The following NUMB variants were observed in gnomAD, a reference collection of about 807,000 sequenced individuals.
The protein encoded by NUMB is NUMB endocytic adaptor protein, also known as protein numb homolog.
A neutral mutation model predicts 59.7 loss-of-function variants in NUMB; 29 were observed. The ratio of observed to expected loss-of-function variants is 0.49; its 90% CI spans 0.36 to 0.66. NUMB has a LOEUF of 0.66. Ranked by LOEUF, NUMB falls within the 30% of genes least tolerant of loss-of-function variation. The probability of loss-of-function intolerance (pLI) is 0.00; values close to 1 mark genes in which losing one functional copy is unlikely to be tolerated. For synonymous variants in NUMB, 288 were observed against 288.2 expected (o/e 1.00, Z 0.01); for missense variants, 723 against 822.0 (o/e 0.88, Z 1.47).
At chr14:73,443,534 G>A (rs1051248521) in intron 1 of NUMB, among the ~76,000 whole-genome samples, 1 of 150,876 alleles carries the variant, frequency 6.6e-6, no homozygotes, top group Admixed American at 6.6e-5. Context: ...GGCAGAGGTT[G>A]CAGTGAGCCG....
intron 1 of NUMB, among the ~76,000 whole-genome samples, chr14:73,416,053 T>C (rs1023588790): frequency 6.6e-6 from 1 of 152,186 alleles, no homozygotes; most frequent in Non-Finnish European, 1.5e-5. Flanking sequence ...TTTTCCCCTA[T>C]AGATAAACAT....
chr14:73,447,052 T>G (rs1297302038), intron 1 of NUMB, among the ~76,000 whole-genome samples: 1 of 150,322 alleles, frequency 6.7e-6, no homozygotes, highest in Non-Finnish European at 1.5e-5. Context: ...CTGGGCGTGG[T>G]GGCGCACCCT....
chr14:73,305,444 G>A (rs1013198998), intron 6 of NUMB, among the ~76,000 whole-genome samples: 2 of 151,426 alleles, frequency 1.3e-5, no homozygotes, highest in East Asian at 3.9e-4. Flanking sequence ...CCTATTTTAA[G>A]GTGCCATCCA....
chr14:73,336,016 T>C (rs1241831814), intron 4 of NUMB, among the ~76,000 whole-genome samples: 1 of 152,230 alleles, frequency 6.6e-6, no homozygotes, highest in African/African-American at 2.4e-5. Flanking sequence ...CAGATGTGTT[T>C]AATCATGTAA....
At chr14:73,280,395 G>GT (rs35066653) in intron 11 of NUMB, among the ~76,000 whole-genome samples, 7,346 of 143,786 alleles carry the variant, frequency 0.051, 222 homozygotes, top group Middle Eastern at 0.082. Flanking sequence ...TTTTTTGAAG[G>GT]TTTTTTTTTT....
chr14:73,362,088 C>A (rs1458624060), intron 3 of NUMB, among the ~76,000 whole-genome samples: 2 of 152,102 alleles, frequency 1.3e-5, no homozygotes, highest in South Asian at 2.1e-4. Context: ...AAAATCCCAT[C>A]TTTACAAAAA....
intron 2 of NUMB, among the ~76,000 whole-genome samples, chr14:73,384,474 A>C (rs1895397641): frequency 6.6e-6 from 1 of 152,230 alleles, no homozygotes; most frequent in South Asian, 2.1e-4. Flanking sequence ...AGTGCAGTCT[A>C]TGAAGAAAGA....
chr14:73,438,262 G>A (rs1352990703), intron 1 of NUMB, among the ~76,000 whole-genome samples: 5 of 152,212 alleles, frequency 3.3e-5, no homozygotes, highest in Non-Finnish European at 5.9e-5. Flanking sequence ...ATTAATAAAC[G>A]CTCTAAGTGT....
At chr14:73,432,561 G>A (rs1218591009) in intron 1 of NUMB, among the ~76,000 whole-genome samples, 42 of 151,818 alleles carry the variant, frequency 2.8e-4, no homozygotes, top group Admixed American at 2.8e-3. Context: ...TATAAAAAGA[G>A]AAACAAAGAC....
chr14:73,428,753 AGTGAG>A (rs1897694532), intron 1 of NUMB, among the ~76,000 whole-genome samples: 1 of 152,224 alleles, frequency 6.6e-6, no homozygotes, highest in Non-Finnish European at 1.5e-5. Context: ...TCAAGGCTGC[AGTGAG>A]CTATGATCAC....
intron 6 of NUMB, among the ~76,000 whole-genome samples, chr14:73,307,187 T>C (rs1404948601): frequency 6.6e-6 from 1 of 151,948 alleles, no homozygotes; most frequent in African/African-American, 2.4e-5. Context: ...CGGGCACCTG[T>C]AGTCCCAGCT....
intron 4 of NUMB, among the ~76,000 whole-genome samples, chr14:73,334,058 GT>G (rs560823547): frequency 6.9e-6 from 1 of 144,236 alleles, no homozygotes; most frequent in Non-Finnish European, 1.5e-5. Context: ...GTGTGTGTGT[GT>G]TTTTTTTTCG....
At chr14:73,278,045 C>CAAAAAAAAAA (rs57146032) in intron 12 of NUMB, among the ~76,000 whole-genome samples, 1 of 69,234 alleles carries the variant, frequency 1.4e-5, no homozygotes, top group Non-Finnish European at 2.6e-5. Context: ...GACTCCGTCT[C>CAAAAAAAAAA]AAAAAAAAAA....
intron 2 of NUMB, among the ~76,000 whole-genome samples, chr14:73,401,018 A>G (rs758467369): frequency 6.6e-6 from 1 of 152,234 alleles, no homozygotes; most frequent in South Asian, 2.1e-4. Flanking sequence ...ATCAGCCAGA[A>G]GCACAGGACA....
At chr14:73,297,332 T>A in intron 6 of NUMB, 47 bp from the exon 7 acceptor site, 1 of 1,122,784 alleles carries the variant, frequency 8.9e-7, no homozygotes. Context: ...ACATATATAA[T>A]ATTAAAAAAA....
intron 2 of NUMB, among the ~76,000 whole-genome samples, chr14:73,372,320 T>C (rs1348388468): frequency 5.6e-5 from 6 of 107,602 alleles, no homozygotes; most frequent in Non-Finnish European, 1.1e-4. Flanking sequence ...TATATATATA[T>C]ATATATATAT....
At chr14:73,456,200 C>T (rs1884359962) in intron 1 of NUMB, among the ~76,000 whole-genome samples, 1 of 152,000 alleles carries the variant, frequency 6.6e-6, no homozygotes, top group Non-Finnish European at 1.5e-5. Context: ...ACCTCCACCT[C>T]CGGGGTTCAA....
In NUMB at chr14:73,355,776, G is replaced by A. The variant is rs201614414; in HGVS notation, c.-15-10C>T. 2 of 1,579,092 alleles carry A rather than the reference G, an allele frequency of 1.3e-6. No homozygotes were observed. Among genetic ancestry groups the A allele is most frequent in the African/African-American group, 1.4e-5 (1 of 73,134 alleles). ...TTTTAATTTTTACAGCCTGAAGACAGAGGAAAAAAAATATTTAAAAGAAAT... is the reference window on the plus strand; with the variant it reads ...TTTTAATTTTTACAGCCTGAAGACAAAGGAAAAAAAATATTTAAAAGAAAT... On this transcript the variant is annotated splice_polypyrimidine_tract_variant and intron_variant, in intron 3 of 12. Coordinates refer to ENST00000555238, the MANE Select transcript of NUMB (RefSeq NM_001005743.2).
chr14:73,322,657 G>C (rs1187833340), intron 5 of NUMB: 1 of 152,104 alleles, frequency 6.6e-6, no homozygotes, highest in East Asian at 1.9e-4. Flanking sequence ...GATGTTAACT[G>C]TAACAGTTTA....
Sources: gnomAD v4.1 joint callset for allele counts (sites outside exome capture counted in the v4.1 genomes callset) on GRCh38, gnomAD v4.1.1 for gene constraint, MANE v1.5 for transcripts, NCBI Gene and HGNC (gene_info 2026-07-23, HGNC 2026-07-21) for gene names.